The following NCAM2 variants were observed in gnomAD, a reference collection of about 807,000 sequenced individuals.
NCAM2 encodes the protein neural cell adhesion molecule 2.
In NCAM2, 30 loss-of-function variants were observed where a neutral mutation model predicts 98.1. That is an observed-to-expected ratio of 0.31 (90% CI 0.23 to 0.41). The LOEUF (loss-of-function observed/expected upper bound fraction) is 0.41. Among genes scored for constraint, NCAM2 ranks in the 10% least tolerant of loss-of-function variants. The pLI is 1.00. For synonymous variants in NCAM2, 368 were observed against 342.4 expected, an observed-to-expected ratio of 1.07 and a Z score of -0.83; for missense variants, 867 against 1,005.8, an observed-to-expected ratio of 0.86 and a Z score of 1.87.
intron 4 of NCAM2, 134 bp downstream of exon 4, chr21:21,286,546 T>G (rs568747813): frequency 1.4e-4 from 135 of 957,102 alleles, no homozygotes; most frequent in Admixed American, 8.8e-4. Flanking sequence ...TGAGAACCTG[T>G]AAGCTCTACA....
intron 9 of NCAM2, among the ~76,000 whole-genome samples, chr21:21,396,069 CAG>C (rs1227696946): frequency 6.6e-6 from 1 of 151,318 alleles, no homozygotes; most frequent in Non-Finnish European, 1.5e-5. Context: ...GGCCAGTAAA[CAG>C]ACAACCCACA....
At chr21:21,236,190 T>C (rs542238966) in intron 1 of NCAM2, among the ~76,000 whole-genome samples, 1 of 152,032 alleles carries the variant, frequency 6.6e-6, no homozygotes, top group Non-Finnish European at 1.5e-5. Context: ...AAGCGCTTCC[T>C]ATCTAGGAAA....
At chr21:21,078,122 T>G (rs1190184682) in intron 1 of NCAM2, among the ~76,000 whole-genome samples, 1 of 152,092 alleles carries the variant, frequency 6.6e-6, no homozygotes, top group African/African-American at 2.4e-5. Flanking sequence ...TAAGGGGAGT[T>G]TATTTGATTT....
chr21:21,203,790 G>A (rs566900672), intron 1 of NCAM2, among the ~76,000 whole-genome samples: 1 of 152,198 alleles, frequency 6.6e-6, no homozygotes, highest in Non-Finnish European at 1.5e-5. Flanking sequence ...AAAGTGTGTA[G>A]GTATTGAGAT....
intron 9 of NCAM2, among the ~76,000 whole-genome samples, chr21:21,383,870 A>G (rs1352102783): frequency 6.6e-6 from 1 of 152,086 alleles, no homozygotes; most frequent in Non-Finnish European, 1.5e-5. Flanking sequence ...TATATTCTCA[A>G]AAACATTATT....
intron 12 of NCAM2, among the ~76,000 whole-genome samples, chr21:21,453,119 T>C (rs1981575773): frequency 7.4e-6 from 1 of 134,538 alleles, no homozygotes; most frequent in Non-Finnish European, 1.6e-5. Flanking sequence ...TTATATATAA[T>C]AACAAAATAT....
At chr21:21,183,349 C>T (rs1025061965) in intron 1 of NCAM2, among the ~76,000 whole-genome samples, 1 of 152,018 alleles carries the variant, frequency 6.6e-6, no homozygotes, top group Non-Finnish European at 1.5e-5. Flanking sequence ...TGATGGCTCC[C>T]ACATAACTGA....
chr21:21,466,448 A>G (rs1411480136), intron 12 of NCAM2, among the ~76,000 whole-genome samples, 158 bp from the exon 13 acceptor site: 1 of 151,998 alleles, frequency 6.6e-6, no homozygotes, highest in East Asian at 1.9e-4. Context: ...TTCTTCTTAT[A>G]TGACTTATCT....
rs1165725487 is a variant in NCAM2, at chr21:21,147,825, T to C, written c.56-132753T>C. 5.3e-5 allele frequency among the ~76,000 whole-genome samples: 8 copies of C among 150,330 alleles called. No homozygotes were observed. The Admixed American group carries it at 5.3e-4, about 10-fold the overall frequency. On this transcript the variant is annotated intron_variant, in intron 1 of 17. Transcript: ENST00000400546. ...TGAATATATATATCTGTTGATATGT[T>C]TATAAAATACCCTATTTATATAGGA...
chr21:21,183,930 A>G (rs947967358), intron 1 of NCAM2, among the ~76,000 whole-genome samples: 1 of 152,150 alleles, frequency 6.6e-6, no homozygotes, highest in Admixed American at 6.6e-5. Context: ...AGCAGTTGAT[A>G]CATGTAAAGA....
intron 1 of NCAM2, among the ~76,000 whole-genome samples, chr21:21,150,147 T>C (rs904401026): frequency 2.0e-5 from 3 of 152,190 alleles, no homozygotes; most frequent in African/African-American, 7.2e-5. Flanking sequence ...CTGTAAATGG[T>C]ATTGTGTTTA....
At chr21:21,265,925 A>T (rs898164654) in intron 1 of NCAM2, among the ~76,000 whole-genome samples, 1 of 152,076 alleles carries the variant, frequency 6.6e-6, no homozygotes, top group African/African-American at 2.4e-5. Context: ...AGTATAAAAG[A>T]TTGTTTTATT....
chr21:21,380,316 C>G (rs2076126016), intron 9 of NCAM2, among the ~76,000 whole-genome samples: 1 of 152,102 alleles, frequency 6.6e-6, no homozygotes, highest in Non-Finnish European at 1.5e-5. Flanking sequence ...TATTTTTTCT[C>G]TCTTTTCTTT....
chr21:21,380,998 T>C (rs1223956919), intron 9 of NCAM2, among the ~76,000 whole-genome samples: 2 of 152,240 alleles, frequency 1.3e-5, no homozygotes, highest in African/African-American at 4.8e-5. Flanking sequence ...TGTATAACAC[T>C]TTCCATTCAT....
At chr21:21,047,980 T>C in intron 1 of NCAM2, among the ~76,000 whole-genome samples, 1 of 152,202 alleles carries the variant, frequency 6.6e-6, no homozygotes, top group East Asian at 1.9e-4. Context: ...AAAATATATT[T>C]CCTTGGCATA....
chr21:21,465,381 C>T (rs1189541892), intron 12 of NCAM2, among the ~76,000 whole-genome samples: 1 of 151,732 alleles, frequency 6.6e-6, no homozygotes, highest in Admixed American at 6.6e-5. Context: ...AAGAATTCAA[C>T]ACCAGCCTGA....
chr21:21,041,282 G>A (rs1384613084), intron 1 of NCAM2, among the ~76,000 whole-genome samples: 2 of 152,148 alleles, frequency 1.3e-5, no homozygotes, highest in African/African-American at 4.8e-5. Flanking sequence ...TAAGTCTTTT[G>A]GACGGTGTTG....
chr21:21,024,696 C>T (rs1473491214), intron 1 of NCAM2, among the ~76,000 whole-genome samples: 1 of 151,804 alleles, frequency 6.6e-6, no homozygotes, highest in African/African-American at 2.4e-5. Flanking sequence ...GCCAACATGG[C>T]GAAACCCCGT....
At chr21:21,002,773 A>G (rs2064043310) in intron 1 of NCAM2, among the ~76,000 whole-genome samples, 1 of 152,138 alleles carries the variant, frequency 6.6e-6, no homozygotes, top group South Asian at 2.1e-4. Context: ...TGCAAAATTA[A>G]TTTAATAATT....
Sources: allele counts gnomAD v4.1 joint callset (sites outside exome capture counted in the v4.1 genomes callset), GRCh38; gene constraint gnomAD v4.1.1; transcripts MANE v1.5; gene names NCBI Gene and HGNC (gene_info 2026-07-23, HGNC 2026-07-21).